The following ICA1L variants were observed in gnomAD, a reference collection of about 807,000 sequenced individuals.
The protein encoded by ICA1L is islet cell autoantigen 1 like, also known as islet cell autoantigen 1-like protein.
A neutral mutation model predicts 61.3 loss-of-function variants in ICA1L; 50 were observed. The ratio of observed to expected loss-of-function variants is 0.82; its 90% CI spans 0.65 to 1.03. The LOEUF (loss-of-function observed/expected upper bound fraction) is 1.03, where lower values mean the gene tolerates loss of function less well. ICA1L is among the 50% of genes least tolerant of loss of function. ICA1L has a pLI of 0.00. For missense variants in ICA1L, 508 were observed against 556.7 expected, an observed-to-expected ratio of 0.91 and a Z score of 0.88; for synonymous variants, 161 against 191.3, an observed-to-expected ratio of 0.84 and a Z score of 1.31.
intron 1 of ICA1L, among the ~76,000 whole-genome samples, chr2:202,848,573 C>T (rs1200301181): frequency 6.6e-6 from 1 of 152,058 alleles, no homozygotes; most frequent in East Asian, 1.9e-4. Flanking sequence ...GCACAGCCCA[C>T]AAAGCAAAAA....
At chr2:202,807,146 C>G (rs774407172) in intron 9 of ICA1L, among the ~76,000 whole-genome samples, 48 of 152,208 alleles carry the variant, frequency 3.2e-4, no homozygotes, top group Non-Finnish European at 5.4e-4. Flanking sequence ...ACCTTCATAA[C>G]AACCAAACAT....
At chr2:202,787,827 A>G (rs750834756) in intron 11 of ICA1L, among the ~76,000 whole-genome samples, 1 of 152,240 alleles carries the variant, frequency 6.6e-6, no homozygotes, top group Non-Finnish European at 1.5e-5. Flanking sequence ...AAAATAGATA[A>G]AGCAAAGCAC....
chr2:202,868,764 C>T (rs1051131227), intron 1 of ICA1L, among the ~76,000 whole-genome samples: 2 of 150,952 alleles, frequency 1.3e-5, no homozygotes, highest in Non-Finnish European at 3.0e-5. Context: ...GTCAGGAGTT[C>T]GAGACCAGCC....
In ICA1L at chr2:202,776,032, A is replaced by AG. The variant is rs1692208402; in HGVS notation, c.*3500_*3501insC. ...TCAGAAAAATAGATAGAGCACATGTAAACTTCCTTCGTTCTAATGCTGTAA... is the reference window on the plus strand; with the variant it reads ...TCAGAAAAATAGATAGAGCACATGTAGAACTTCCTTCGTTCTAATGCTGTAA... On this transcript the variant is annotated 3_prime_UTR_variant, in exon 13 of 13. Coordinates refer to ENST00000358299, the MANE Select transcript of ICA1L (RefSeq NM_001288622.3). 6.6e-6 allele frequency: 1 copy of AG among 152,226 alleles called. No homozygotes were observed. 9.4% of individuals were successfully genotyped at this position (152,226 alleles called of 1,614,324 possible).
chr2:202,806,723 T>C (rs1014073603), intron 9 of ICA1L, among the ~76,000 whole-genome samples: 1 of 152,142 alleles, frequency 6.6e-6, no homozygotes, highest in Non-Finnish European at 1.5e-5. Flanking sequence ...CTATGTGCTA[T>C]GGAGTTTCTC....
Position 202,778,704 on chromosome 2 carries a change from C to G in ICA1L, c.*829G>C, listed in dbSNP as rs1692299750. The G allele has an allele frequency of 6.6e-6, 1 of 152,522 alleles. No individual in the cohort carries two copies. Among genetic ancestry groups the G allele is most frequent in the African/African-American group, 2.4e-5 (1 of 41,420 alleles). The allele number at this position is 152,522 out of a possible 1,614,324, so 9.4% of individuals were successfully genotyped here. A position where few individuals can be genotyped will look rare whatever the true frequency, so the allele number is the denominator to read the frequency against. On this transcript the variant is annotated 3_prime_UTR_variant, in exon 13 of 13. Coordinates refer to ENST00000358299, the MANE Select transcript of ICA1L (RefSeq NM_001288622.3). ...TTTATTTTCAGGAATAATATAAATA[C>G]TGCATACTACTATATAGCAAGTGTA...
Position 202,774,514 on chromosome 2 carries a change from C to T in ICA1L, c.*5019G>A. ...TTAGGTTATGGTCAGTGAGGTTTAGCCACAAGAGATATCACAGGAGAGACA... is the reference window on the plus strand; with the variant it reads ...TTAGGTTATGGTCAGTGAGGTTTAGTCACAAGAGATATCACAGGAGAGACA... On this transcript the variant is annotated 3_prime_UTR_variant, in exon 13 of 13. Transcript: ENST00000358299. The T allele has an allele frequency of 2.3e-6, 1 of 429,882 alleles. No individual in the cohort carries two copies. The highest frequency in any genetic ancestry group is 4.1e-6 in the Non-Finnish European group (1 of 245,442). The allele number at this position is 429,882 out of a possible 1,614,324, so 26.6% of individuals were successfully genotyped here.
intron 1 of ICA1L, among the ~76,000 whole-genome samples, chr2:202,832,551 C>T (rs1694043174): frequency 6.6e-6 from 1 of 150,598 alleles, no homozygotes; most frequent in Non-Finnish European, 1.5e-5. Context: ...AATAAATGAA[C>T]ACACTGAAAA....
rs1295026437 is a variant in ICA1L, at chr2:202,815,982, T to C, written c.712A>G (p.Thr238Ala). Reference sequence around the variant, plus strand: ...TGAATTTGGGACATCATTCGAGCTGTTTTCTTCCAGAATCCAAGCAGTGTT... The same window carrying C: ...TGAATTTGGGACATCATTCGAGCTGCTTTCTTCCAGAATCCAAGCAGTGTT... ...QRTLLGFWKK[T>A]ARMMSQIHEA... is the part of the protein sequence containing the mutation. Residue 238 changes from threonine (T) to alanine (A), a missense_variant, in exon 7 of 13, where the codon ACA (threonine) becomes GCA (alanine). By Grantham distance (58) the Thr-to-Ala change is moderately conservative. Coordinates refer to ENST00000358299, the MANE Select transcript of ICA1L (RefSeq NM_001288622.3). 1.9e-6 allele frequency: 3 copies of C among 1,603,732 alleles called. No individual in the cohort carries two copies. The highest frequency in any genetic ancestry group is 2.6e-6 in the Non-Finnish European group (3 of 1,176,042).
chr2:202,850,166 G>C (rs1694580440), intron 1 of ICA1L, among the ~76,000 whole-genome samples: 1 of 152,108 alleles, frequency 6.6e-6, no homozygotes, highest in South Asian at 2.1e-4. Flanking sequence ...ATCAAAGGTA[G>C]ATAAATCCAC....
At chr2:202,815,317 T>C (rs1283216607) in intron 7 of ICA1L, among the ~76,000 whole-genome samples, 1 of 152,170 alleles carries the variant, frequency 6.6e-6, no homozygotes, top group Non-Finnish European at 1.5e-5. Flanking sequence ...TATGAGCCTA[T>C]CACAAATACC....
chr2:202,843,826 G>A lies in ICA1L; in HGVS notation c.-7-14810C>T, dbSNP rs1164103605. On this transcript the variant is annotated intron_variant, in intron 1 of 12. Coordinates refer to ENST00000358299, the MANE Select transcript of ICA1L (RefSeq NM_001288622.3). The stretch of plus-strand genomic sequence containing the variant: ...CAGCGTTCAGCCACACACAGCAAGA[G>A]CTTGGCTCTAGGGCCCAGGGTGCAA... Among the ~76,000 whole-genome samples, 7 of 152,368 alleles carry A rather than the reference G, an allele frequency of 4.6e-5. No homozygotes were observed. The East Asian group carries it at 1.2e-3, about 25-fold the overall frequency.
Position 202,779,666 on chromosome 2 carries a change from A to AAAT in ICA1L, c.1334-21_1334-19dup. ...GTTGGGGGCTATTAAAAAAGAAAAAAAATACATTAAAGAGATTCAGTTTTG... is the reference window on the plus strand; with the variant it reads ...GTTGGGGGCTATTAAAAAAGAAAAAAAATAATACATTAAAGAGATTCAGTTTTG... On this transcript the variant is annotated intron_variant, in intron 12 of 12. Coordinates refer to ENST00000358299, the MANE Select transcript of ICA1L (RefSeq NM_001288622.3). 7.3e-7 allele frequency: 1 copy of AAAT among 1,376,658 alleles called. No individual in the cohort carries two copies. The highest frequency in any genetic ancestry group is 1.4e-5 in the African/African-American group (1 of 69,766). 85.3% of individuals were successfully genotyped at this position (1,376,658 alleles called of 1,614,324 possible). A position where few individuals can be genotyped will look rare whatever the true frequency, so the allele number is the denominator to read the frequency against.
At chr2:202,865,390 T>G (rs1687472567) in intron 1 of ICA1L, among the ~76,000 whole-genome samples, 1 of 151,064 alleles carries the variant, frequency 6.6e-6, no homozygotes, top group African/African-American at 2.4e-5. Flanking sequence ...AATAGCTTGA[T>G]TCCAGGAGGA....
In ICA1L at chr2:202,782,566, G is replaced by A. The variant is rs1056875132; in HGVS notation, c.1334-2918C>T. Among the ~76,000 whole-genome samples, 3 of 151,774 alleles carry A rather than the reference G, an allele frequency of 2.0e-5. No individual in the cohort carries two copies. In the East Asian group the frequency reaches 5.9e-4, roughly 30 times the overall value. The stretch of plus-strand genomic sequence containing the variant: ...TGGGACTACAGGCGTGTGCCATCAC[G>A]CTCAGCTAATTTTTGTATTTTTAGT... On this transcript the variant is annotated intron_variant, in intron 12 of 12. Transcript: ENST00000358299.
At chr2:202,795,286 C>G (rs946491669) in intron 10 of ICA1L, among the ~76,000 whole-genome samples, 1 of 151,844 alleles carries the variant, frequency 6.6e-6, no homozygotes, top group Non-Finnish European at 1.5e-5. Context: ...CCACCGCGCC[C>G]GGCCCTAAAA....
At chr2:202,781,573 C>CA (rs200593045) in intron 12 of ICA1L, among the ~76,000 whole-genome samples, 1,152 of 103,694 alleles carry the variant, frequency 0.011, 9 homozygotes, top group African/African-American at 0.014. Context: ...GACCCTGTCT[C>CA]AAAAAAAAAA....
chr2:202,813,016 T>A, intron 8 of ICA1L, among the ~76,000 whole-genome samples: 1 of 152,146 alleles, frequency 6.6e-6, no homozygotes. Flanking sequence ...CCCAGCACTT[T>A]GGGAGGCTGA....
In ICA1L at chr2:202,776,397, A is replaced by G. The variant is rs538993072; in HGVS notation, c.*3136T>C. 1.3e-5 allele frequency: 2 copies of G among 151,940 alleles called. No homozygotes were observed. Among genetic ancestry groups the G allele is most frequent in the Admixed American group, 6.5e-5 (1 of 15,296 alleles). The allele number at this position is 151,940 out of a possible 1,614,324, so 9.4% of individuals were successfully genotyped here. A position where few individuals can be genotyped will look rare whatever the true frequency, so the allele number is the denominator to read the frequency against. ...TCCCCATTTAACATAAAAAATATCT[A>G]TTTTGAGGGTTGTTCTCAGCCTACC... On this transcript the variant is annotated 3_prime_UTR_variant, in exon 13 of 13. Coordinates refer to ENST00000358299, the MANE Select transcript of ICA1L (RefSeq NM_001288622.3).
Sources: allele counts gnomAD v4.1 joint callset (sites outside exome capture counted in the v4.1 genomes callset), GRCh38; gene constraint gnomAD v4.1.1; transcripts MANE v1.5; gene names NCBI Gene and HGNC (gene_info 2026-07-23, HGNC 2026-07-21).